The following MSI2 variants were observed in gnomAD, a reference collection of about 807,000 sequenced individuals.
MSI2 encodes RNA-binding protein Musashi homolog 2.
In MSI2, 17 loss-of-function variants were observed where a neutral mutation model predicts 45.6. The observed-to-expected ratio is 0.37, with a 90% CI of 0.26 to 0.56. The LOEUF (loss-of-function observed/expected upper bound fraction) is 0.56. Among genes scored for constraint, MSI2 ranks in the 20% least tolerant of loss-of-function variants. The probability of loss-of-function intolerance (pLI) is 0.77; values close to 1 mark genes in which losing one functional copy is unlikely to be tolerated. For missense variants in MSI2, 293 were observed against 444.2 expected, an observed-to-expected ratio of 0.66 and a Z score of 3.06; for synonymous variants, 156 against 158.2, an observed-to-expected ratio of 0.99 and a Z score of 0.11.
At chr17:57,655,120 C>G (rs908435581) in intron 11 of MSI2, among the ~76,000 whole-genome samples, 1 of 151,918 alleles carries the variant, frequency 6.6e-6, no homozygotes, top group African/African-American at 2.4e-5. Context: ...TCTGGGCCAG[C>G]CTGCCCACCT....
At chr17:57,581,667 A>T (rs1283076847) in intron 7 of MSI2, among the ~76,000 whole-genome samples, 1 of 152,190 alleles carries the variant, frequency 6.6e-6, no homozygotes, top group Non-Finnish European at 1.5e-5. Context: ...CCCGAAGAAC[A>T]CTTGTGTTCT....
chr17:57,348,412 T>A (rs564283655), intron 5 of MSI2, among the ~76,000 whole-genome samples: 6 of 152,086 alleles, frequency 3.9e-5, no homozygotes, highest in Non-Finnish European at 7.4e-5. Flanking sequence ...CATGTTGAAA[T>A]GTGATTTGCA....
intron 7 of MSI2, among the ~76,000 whole-genome samples, chr17:57,580,449 C>A (rs900580230): frequency 2.0e-5 from 3 of 152,230 alleles, no homozygotes; most frequent in Admixed American, 6.5e-5. Context: ...GCCTGCCCCC[C>A]ACACCCTCCA....
chr17:57,343,435 C>T (rs918917971), intron 5 of MSI2, among the ~76,000 whole-genome samples: 1 of 152,040 alleles, frequency 6.6e-6, no homozygotes, highest in Non-Finnish European at 1.5e-5. Context: ...CAGCATTTTA[C>T]CCTCTTTGCT....
At chr17:57,312,991 C>T (rs1438497498) in intron 5 of MSI2, among the ~76,000 whole-genome samples, 2 of 152,170 alleles carry the variant, frequency 1.3e-5, no homozygotes, top group East Asian at 1.9e-4. Context: ...GAACTACAGG[C>T]GTGTGCCACC....
intron 6 of MSI2, among the ~76,000 whole-genome samples, chr17:57,452,071 C>G (rs1421806221): frequency 6.6e-6 from 1 of 152,196 alleles, no homozygotes; most frequent in Non-Finnish European, 1.5e-5. Context: ...GTCCTCAAAT[C>G]CAGCTTTCCC....
intron 4 of MSI2, among the ~76,000 whole-genome samples, chr17:57,259,124 T>G (rs1410849435): frequency 6.6e-6 from 1 of 152,092 alleles, no homozygotes; most frequent in Non-Finnish European, 1.5e-5. Context: ...AGGGGGAGTG[T>G]GCAGTGTTTT....
chr17:57,314,150 TTGTA>T (rs1291014779), intron 5 of MSI2, among the ~76,000 whole-genome samples: 2 of 152,084 alleles, frequency 1.3e-5, no homozygotes, highest in Non-Finnish European at 2.9e-5. Flanking sequence ...TGCCATCCCT[TTGTA>T]TGAGTGCACA....
intron 10 of MSI2, chr17:57,632,575 G>A (rs1427007307): frequency 7.3e-5 from 78 of 1,066,856 alleles, no homozygotes; most frequent in Non-Finnish European, 8.7e-5. Context: ...ATTGGAGTAG[G>A]AGGGGGTGGA....
intron 5 of MSI2, among the ~76,000 whole-genome samples, chr17:57,306,325 A>G (rs1416545370): frequency 6.6e-6 from 1 of 152,092 alleles, no homozygotes; most frequent in Non-Finnish European, 1.5e-5. Context: ...AGAGAGAGAA[A>G]GAGCTTCCCA....
At chr17:57,544,926 C>T (rs1258126775) in intron 7 of MSI2, among the ~76,000 whole-genome samples, 2 of 152,300 alleles carry the variant, frequency 1.3e-5, no homozygotes, top group South Asian at 4.1e-4. Flanking sequence ...ATGCCTCATA[C>T]TACACTCCTT....
intron 7 of MSI2, among the ~76,000 whole-genome samples, chr17:57,581,076 G>C (rs182028587): frequency 3.7e-5 from 5 of 136,950 alleles, no homozygotes; most frequent in African/African-American, 1.1e-4. Flanking sequence ...GCAGTGGCAC[G>C]ATCTCTGCTC....
the MSI2 span, among the ~76,000 whole-genome samples, chr17:57,699,294 T>A: frequency 9.1e-5 from 13 of 142,572 alleles, 1 homozygote; most frequent in African/African-American, 2.2e-4. Flanking sequence ...AGAGAGAGAG[T>A]GTGTAAGCTC....
At chr17:57,403,653 T>C (rs1201204048) in intron 6 of MSI2, among the ~76,000 whole-genome samples, 1 of 152,198 alleles carries the variant, frequency 6.6e-6, no homozygotes, top group Non-Finnish European at 1.5e-5. Context: ...ATAGGTTCTG[T>C]GCATTATTTG....
At chr17:57,553,709 G>A (rs2087360980) in intron 7 of MSI2, among the ~76,000 whole-genome samples, 1 of 152,182 alleles carries the variant, frequency 6.6e-6, no homozygotes, top group Admixed American at 6.5e-5. Context: ...GTGCCTTTGT[G>A]GCCATCCCTC....
chr17:57,498,842 T>C (rs2086035859), intron 6 of MSI2, among the ~76,000 whole-genome samples: 2 of 152,070 alleles, frequency 1.3e-5, no homozygotes, highest in Non-Finnish European at 2.9e-5. Flanking sequence ...TATGTATACG[T>C]GCACCATGTT....
intron 7 of MSI2, among the ~76,000 whole-genome samples, chr17:57,547,098 G>A (rs2087186887): frequency 1.3e-5 from 2 of 152,230 alleles, no homozygotes; most frequent in Admixed American, 1.3e-4. Context: ...AGAGAACTGT[G>A]AGAAAGGCAT....
intron 5 of MSI2, among the ~76,000 whole-genome samples, chr17:57,343,336 A>G (rs370222662): frequency 2.1e-5 from 3 of 141,908 alleles, no homozygotes; most frequent in Non-Finnish European, 4.7e-5. Flanking sequence ...TTTTTTTTTT[A>G]TTTGGAGGTA....
chr17:57,283,821 G>C (rs548218128), intron 5 of MSI2, among the ~76,000 whole-genome samples: 4 of 152,194 alleles, frequency 2.6e-5, no homozygotes, highest in Non-Finnish European at 5.9e-5. Context: ...GGGGCCTGCC[G>C]GGTCCAGGGG....
Sources: allele counts gnomAD v4.1 joint callset (sites outside exome capture counted in the v4.1 genomes callset), GRCh38; gene constraint gnomAD v4.1.1; transcripts MANE v1.5; gene names NCBI Gene and HGNC (gene_info 2026-07-23, HGNC 2026-07-21).